The following COL23A1 variants were observed in gnomAD, a reference collection of about 807,000 sequenced individuals.
The protein encoded by COL23A1 is collagen alpha-1(XXIII) chain.
In COL23A1, 97 loss-of-function variants were observed where a neutral mutation model predicts 99.3. The ratio of observed to expected loss-of-function variants is 0.98; its 90% confidence interval spans 0.83 to 1.16. COL23A1 has a LOEUF of 1.16. Among genes scored for constraint, COL23A1 ranks in the 50% most tolerant of loss-of-function variants. The pLI, the probability that COL23A1 is intolerant of heterozygous loss-of-function variation, is 0.00. For synonymous variants in COL23A1, 320 were observed against 308.2 expected, an observed-to-expected ratio of 1.04 and a Z score of -0.40; for missense variants, 762 against 757.4, an observed-to-expected ratio of 1.01 and a Z score of -0.07.
At chr5:178,288,382 A>C in intron 4 of COL23A1, 32 bp from the exon 5 acceptor site, 3 of 1,597,598 alleles carry the variant, frequency 1.9e-6, no homozygotes, top group Non-Finnish European at 2.6e-6. Context: ...TAATAATCAG[A>C]GTTTCGGCAG....
chr5:178,569,560 C>T (rs941035226), intron 1 of COL23A1, among the ~76,000 whole-genome samples: 1 of 152,208 alleles, frequency 6.6e-6, no homozygotes, highest in African/African-American at 2.4e-5. Flanking sequence ...TGCTGTATAA[C>T]AAATGCCACA....
rs192300024 is a variant in COL23A1, at chr5:178,332,861, C to T, written c.362-25942G>A. On this transcript the variant is annotated intron_variant, in intron 2 of 28. Transcript: ENST00000390654. ...TGGCTCCTAGATAGTTCACACTGAC[C>T]GTTTCCAGATCTTTCCATTTTTCAA... Among the ~76,000 whole-genome samples, 440 of 151,782 alleles carry T rather than the reference C, an allele frequency of 2.9e-3. 2 individuals are homozygous for T. Among genetic ancestry groups the T allele is most frequent in the African/African-American group, 9.1e-3 (378 of 41,346 alleles).
At chr5:178,441,596 G>A (rs1384637841) in intron 2 of COL23A1, among the ~76,000 whole-genome samples, 1 of 152,096 alleles carries the variant, frequency 6.6e-6, no homozygotes, top group African/African-American at 2.4e-5. Context: ...GAGTTTCAAA[G>A]GGCTGCCTTA....
chr5:178,449,299 C>T (rs1279568535), intron 2 of COL23A1, among the ~76,000 whole-genome samples: 2 of 152,208 alleles, frequency 1.3e-5, no homozygotes, highest in South Asian at 2.1e-4. Context: ...TCTTCCCCCA[C>T]GTCTGCCGCT....
intron 16 of COL23A1, among the ~76,000 whole-genome samples, chr5:178,254,008 A>G (rs748363742): frequency 1.2e-4 from 18 of 151,954 alleles, no homozygotes; most frequent in Non-Finnish European, 2.4e-4. Flanking sequence ...TACTAAAAAT[A>G]TAAAAATTAG....
chr5:178,335,238 C>A (rs1317882405), intron 2 of COL23A1, among the ~76,000 whole-genome samples: 1 of 152,236 alleles, frequency 6.6e-6, no homozygotes, highest in African/African-American at 2.4e-5. Flanking sequence ...CCTCTAGCCA[C>A]TCAGATCTTT....
At chr5:178,376,817 G>T (rs1024024687) in intron 2 of COL23A1, among the ~76,000 whole-genome samples, 1 of 152,196 alleles carries the variant, frequency 6.6e-6, no homozygotes, top group African/African-American at 2.4e-5. Flanking sequence ...GCACTGCTGG[G>T]GACAAAAGTG....
chr5:178,539,571 AAAAG>A (rs1274283721), intron 2 of COL23A1, among the ~76,000 whole-genome samples: 2 of 151,352 alleles, frequency 1.3e-5, no homozygotes, highest in African/African-American at 4.8e-5. Flanking sequence ...AAAAAAAAGA[AAAAG>A]AAAGAAAGGG....
At chr5:178,303,077 T>C (rs1220154986) in intron 3 of COL23A1, among the ~76,000 whole-genome samples, 2 of 152,244 alleles carry the variant, frequency 1.3e-5, no homozygotes, top group African/African-American at 4.8e-5. Context: ...CTCAGCTCAC[T>C]GCAACCTCTG....
chr5:178,358,749 GTATCTGTGTGTGTGTA>G (rs1762014152), intron 2 of COL23A1, among the ~76,000 whole-genome samples: 1 of 147,422 alleles, frequency 6.8e-6, no homozygotes, highest in Admixed American at 6.9e-5. Flanking sequence ...ATCTGTGTGT[GTATCTGTGTGTGTGTA>G]TGTGTGTGTA....
intron 2 of COL23A1, among the ~76,000 whole-genome samples, chr5:178,432,233 C>T (rs774655682): frequency 2.6e-5 from 4 of 152,048 alleles, no homozygotes; most frequent in South Asian, 4.1e-4. Flanking sequence ...TTCATGTGGA[C>T]GAGGTCCAAC....
chr5:178,417,270 AC>A (rs925212684), intron 2 of COL23A1, among the ~76,000 whole-genome samples: 9 of 152,166 alleles, frequency 5.9e-5, no homozygotes, highest in Admixed American at 5.9e-4. Context: ...ACACACTCAC[AC>A]AAAACATACA....
intron 18 of COL23A1, 143 bp downstream of exon 18, chr5:178,249,918 G>T: frequency 8.7e-7 from 1 of 1,155,762 alleles, no homozygotes; most frequent in Non-Finnish European, 1.2e-6. Flanking sequence ...GCAGCCTGGT[G>T]CCAAAATCCA....
chr5:178,445,892 A>G (rs1767133329), intron 2 of COL23A1, among the ~76,000 whole-genome samples: 1 of 152,148 alleles, frequency 6.6e-6, no homozygotes, highest in Non-Finnish European at 1.5e-5. Context: ...ATTCAAGACA[A>G]AAGATTAATA....
intron 2 of COL23A1, among the ~76,000 whole-genome samples, chr5:178,417,467 C>T (rs1399264900): frequency 6.6e-6 from 1 of 152,146 alleles, no homozygotes; most frequent in African/African-American, 2.4e-5. Flanking sequence ...GATCACTGCC[C>T]AAAGGGGGAA....
In COL23A1 at chr5:178,259,592, G is replaced by A. The variant is rs570868702; in HGVS notation, c.729+129C>T. ...GCTCAGGGCTGGTGGAGAGAAGGCC[G>A]CCTTCCCTGTGGGTTGGCTCCCAGC... On this transcript the variant is annotated intron_variant, in intron 12 of 28. Coordinates refer to ENST00000390654, the MANE Select transcript of COL23A1 (RefSeq NM_173465.4). 177 of 894,646 alleles carry A rather than the reference G, an allele frequency of 2.0e-4. 1 individual carries two copies. The highest frequency in any genetic ancestry group is 2.6e-4 in the Non-Finnish European group (158 of 604,300). 55.4% of individuals were successfully genotyped at this position (894,646 alleles called of 1,614,324 possible). A position where few individuals can be genotyped will look rare whatever the true frequency, so the allele number is the denominator to read the frequency against.
Position 178,465,741 on chromosome 5 carries a change from G to C in COL23A1, c.361+94941C>G, listed in dbSNP as rs74993260. On this transcript the variant is annotated intron_variant, in intron 2 of 28. Coordinates refer to ENST00000390654, the MANE Select transcript of COL23A1 (RefSeq NM_173465.4). ...GGTGGCGGTCACGTCCTCACGAGAT[G>C]GGGAGGCAGAGTGATCGTGCTACAC... Among the ~76,000 whole-genome samples the C allele has an allele frequency of 6.1e-3, 935 of 152,358 alleles. 12 individuals are homozygous for C. The highest frequency in any genetic ancestry group is 0.022 in the African/African-American group (897 of 41,588).
At chr5:178,241,788 G>C (rs555278999) in intron 27 of COL23A1, among the ~76,000 whole-genome samples, 106 of 152,344 alleles carry the variant, frequency 7.0e-4, no homozygotes, top group African/African-American at 2.0e-3. Flanking sequence ...AAGAATGAGG[G>C]GCTGGGCCTC....
intron 2 of COL23A1, among the ~76,000 whole-genome samples, chr5:178,376,743 C>G (rs2973724): frequency 0.26 from 39,383 of 152,148 alleles, 5,464 homozygotes; most frequent in East Asian, 0.4. Context: ...CAAGCTTCCA[C>G]ATGCAGCTGA....
Sources: allele counts gnomAD v4.1 joint callset (sites outside exome capture counted in the v4.1 genomes callset), GRCh38; gene constraint gnomAD v4.1.1; transcripts MANE v1.5; gene names NCBI Gene and HGNC (gene_info 2026-07-23, HGNC 2026-07-21).